The following CHN2 variants were observed in gnomAD, a reference collection of about 807,000 sequenced individuals.
The protein encoded by CHN2 is chimerin 2.
CHN2 carries 35 observed loss-of-function variants against 56.3 expected under a neutral mutation model. That is an observed-to-expected ratio of 0.62 (90% CI 0.47 to 0.82). The LOEUF (loss-of-function observed/expected upper bound fraction) is 0.82, where lower values mean the gene tolerates loss of function less well. Among genes scored for constraint, CHN2 ranks in the 40% least tolerant of loss-of-function variants. CHN2 has a pLI of 0.00. For synonymous variants in CHN2, 210 were observed against 212.8 expected (o/e 0.99, Z 0.12); for missense variants, 491 against 580.5 (o/e 0.85, Z 1.58).
Position 29,437,597 on chromosome 7 carries a change from CA to C in CHN2, c.576+36785del, listed in dbSNP as rs11436612. Among the ~76,000 whole-genome samples the C allele has an allele frequency of 2.3e-3, 120 of 52,584 alleles. 4 individuals carry two copies. Among genetic ancestry groups the C allele is most frequent in the South Asian group, 3.1e-3 (6 of 1,934 alleles). The allele number at this position is 52,584 out of a possible 152,430, so 34.5% of individuals were successfully genotyped here. On this transcript the variant is annotated intron_variant, in intron 6 of 12. Coordinates refer to ENST00000222792, the MANE Select transcript of CHN2 (RefSeq NM_004067.4). ...TGGGCGACAGAGCGAGACTCCGTCT[CA>C]AAAAAAAAAAAAAAAGATATCTAAA...
At chr7:29,410,196 T>C (rs1016800465) in intron 6 of CHN2, among the ~76,000 whole-genome samples, 1 of 152,232 alleles carries the variant, frequency 6.6e-6, no homozygotes, top group Non-Finnish European at 1.5e-5. Flanking sequence ...ATTTTTATAA[T>C]GTTTAAAACA....
At chr7:29,313,441 T>C (rs1439661066) in intron 1 of CHN2, among the ~76,000 whole-genome samples, 2 of 152,190 alleles carry the variant, frequency 1.3e-5, no homozygotes, top group Non-Finnish European at 2.9e-5. Context: ...ATCTTCCTGA[T>C]TGAGTTCCCA....
At chr7:29,180,518 A>C (rs1328739905) in intron 2 of CHN2, among the ~76,000 whole-genome samples, 1 of 151,806 alleles carries the variant, frequency 6.6e-6, no homozygotes, top group African/African-American at 2.4e-5. Context: ...ACAGAGCGAC[A>C]GAGCAACAGA....
chr7:29,238,723 G>A (rs1442814111), intron 1 of CHN2, among the ~76,000 whole-genome samples: 2 of 152,336 alleles, frequency 1.3e-5, no homozygotes, highest in Non-Finnish European at 2.9e-5. Flanking sequence ...GCCTTCCCAA[G>A]GTGGGGACTT....
chr7:29,258,546 C>T (rs545058392), intron 1 of CHN2, among the ~76,000 whole-genome samples: 1 of 152,142 alleles, frequency 6.6e-6, no homozygotes, highest in African/African-American at 2.4e-5. Context: ...GTTGCATCTC[C>T]CAGAATGTCT....
chr7:29,429,955 CCT>C (rs1454480166), intron 6 of CHN2, among the ~76,000 whole-genome samples: 1 of 152,118 alleles, frequency 6.6e-6, no homozygotes, highest in Non-Finnish European at 1.5e-5. Flanking sequence ...CAGTATAAGA[CCT>C]CTGTAAAGAA....
intron 1 of CHN2, among the ~76,000 whole-genome samples, chr7:29,323,435 G>A (rs185431468): frequency 6.6e-6 from 1 of 152,214 alleles, no homozygotes; most frequent in Non-Finnish European, 1.5e-5. Flanking sequence ...TGCTACCACA[G>A]CCTAAGATTA....
At chr7:29,482,566 C>T (rs911204566) in intron 7 of CHN2, among the ~76,000 whole-genome samples, 2 of 151,902 alleles carry the variant, frequency 1.3e-5, no homozygotes, top group Non-Finnish European at 2.9e-5. Flanking sequence ...TATCCTAGGT[C>T]CCTGCCATCT....
chr7:29,425,133 G>A (rs755638477), intron 6 of CHN2, among the ~76,000 whole-genome samples: 2 of 152,226 alleles, frequency 1.3e-5, no homozygotes, highest in Non-Finnish European at 2.9e-5. Context: ...TCACTCGTTC[G>A]CTGTCCCTCT....
intron 1 of CHN2, among the ~76,000 whole-genome samples, chr7:29,252,589 T>G (rs1373019713): frequency 3.0e-5 from 1 of 33,418 alleles, no homozygotes; most frequent in South Asian, 9.8e-4. Context: ...TTTTTTTTTT[T>G]TTTTTTTTTT....
intron 10 of CHN2, among the ~76,000 whole-genome samples, chr7:29,506,471 T>C (rs1489239528): frequency 6.6e-6 from 1 of 151,942 alleles, no homozygotes. Context: ...ACCCCCTCTC[T>C]ACTAAAAATA....
In CHN2 at chr7:29,482,797, CTTTTTTTTTTTTTTTTTTTTTTTTTT is replaced by C. The variant is rs375120538; in HGVS notation, c.654+2458_654+2483del. Among the ~76,000 whole-genome samples, 6 of 64,214 alleles carry C rather than the reference CTTTTTTTTTTTTTTTTTTTTTTTTTT, an allele frequency of 9.3e-5. No individual in the cohort carries two copies. In the South Asian group the frequency reaches 1.6e-3, roughly 18 times the overall value. The allele number at this position is 64,214 out of a possible 152,430, so 42.1% of individuals were successfully genotyped here. ...TGCTAGGTGCTGTCTGCACTTTTTT[CTTTTTTTTTTTTTTTTTTTTTTTTTT>C]TTTTTTTTTTTTTTTTGAGACGGAG... is the stretch of plus-strand genomic sequence containing the variant. On this transcript the variant is annotated intron_variant, in intron 7 of 12. Coordinates refer to ENST00000222792, the MANE Select transcript of CHN2 (RefSeq NM_004067.4).
At chr7:29,283,118 C>G (rs1791854865) in intron 1 of CHN2, among the ~76,000 whole-genome samples, 1 of 152,196 alleles carries the variant, frequency 6.6e-6, no homozygotes, top group Non-Finnish European at 1.5e-5. Flanking sequence ...GATGTCTGAC[C>G]TCCACTGGAG....
intron 1 of CHN2, among the ~76,000 whole-genome samples, chr7:29,264,872 C>CAA (rs570169872): frequency 0.12 from 14,205 of 113,976 alleles, 959 homozygotes; most frequent in African/African-American, 0.24. Flanking sequence ...CTGTTAAAAG[C>CAA]AAAAAAAAAA....
At chr7:29,436,000 C>T (rs988624921) in intron 6 of CHN2, among the ~76,000 whole-genome samples, 1 of 150,392 alleles carries the variant, frequency 6.6e-6, no homozygotes, top group Non-Finnish European at 1.5e-5. Context: ...TGGAATGAAG[C>T]AGTCTTCTCT....
chr7:29,443,092 C>T (rs1026552451), intron 6 of CHN2, among the ~76,000 whole-genome samples: 3 of 150,676 alleles, frequency 2.0e-5, no homozygotes, highest in Non-Finnish European at 4.4e-5. Flanking sequence ...AGGCGCCCGC[C>T]ACCGCGCCCG....
At chr7:29,333,971 A>G (rs1050601096) in intron 1 of CHN2, among the ~76,000 whole-genome samples, 1 of 152,112 alleles carries the variant, frequency 6.6e-6, no homozygotes, top group African/African-American at 2.4e-5. Context: ...GCTTTTGACA[A>G]TCAATGGATT....
At chr7:29,218,886 T>G (rs934514350) in intron 1 of CHN2, among the ~76,000 whole-genome samples, 2 of 151,462 alleles carry the variant, frequency 1.3e-5, no homozygotes, top group African/African-American at 4.9e-5. Flanking sequence ...CACACCAGCA[T>G]GGCACATGTA....
At chr7:29,280,612 T>G (rs1022383352) in intron 1 of CHN2, among the ~76,000 whole-genome samples, 1 of 152,106 alleles carries the variant, frequency 6.6e-6, no homozygotes, top group Admixed American at 6.6e-5. Flanking sequence ...TACAAGGCAC[T>G]GGGTGTAGAA....
Sources: gnomAD v4.1 joint callset for allele counts (sites outside exome capture counted in the v4.1 genomes callset) on GRCh38, gnomAD v4.1.1 for gene constraint, MANE v1.5 for transcripts, NCBI Gene and HGNC (gene_info 2026-07-23, HGNC 2026-07-21) for gene names.